Variants in YARS1 observed in about 807,000 individuals in gnomAD.
YARS1 encodes the protein tyrosine--tRNA ligase, cytoplasmic.
Under a neutral mutation model 62.2 loss-of-function variants are expected in YARS1, and 36 were observed. The observed-to-expected ratio is 0.58, with a 90% confidence interval of 0.44 to 0.76. YARS1 has a LOEUF of 0.76. Ranked by LOEUF, YARS1 falls within the 30% of genes least tolerant of loss-of-function variation. YARS1 has a pLI of 0.00. For missense variants in YARS1, 524 were observed against 639.8 expected, an observed-to-expected ratio of 0.82 and a Z score of 1.95; for synonymous variants, 234 against 244.9, an observed-to-expected ratio of 0.96 and a Z score of 0.42.
intron 4 of YARS1, among the ~76,000 whole-genome samples, chr1:32,801,992 G>C (rs556375710): frequency 2.5e-4 from 33 of 134,356 alleles, no homozygotes; most frequent in African/African-American, 8.6e-4. Context: ...CTGTCGCCCA[G>C]GCTGGAGTGC....
At chr1:32,803,136 C>T (rs1171434278) in intron 4 of YARS1, among the ~76,000 whole-genome samples, 2 of 151,958 alleles carry the variant, frequency 1.3e-5, no homozygotes, top group Admixed American at 6.6e-5. Context: ...TTGCGCACCA[C>T]CATGCCCGGC....
chr1:32,796,543 T>G (rs1031596188), intron 5 of YARS1, among the ~76,000 whole-genome samples: 7 of 151,686 alleles, frequency 4.6e-5, no homozygotes, highest in African/African-American at 1.7e-4. Context: ...TTTATTTTAT[T>G]GTGGAGACAG....
chr1:32,812,162 C>T (rs1200367833), intron 1 of YARS1, among the ~76,000 whole-genome samples: 1 of 152,190 alleles, frequency 6.6e-6, no homozygotes, highest in Non-Finnish European at 1.5e-5. Context: ...TTGGGGCTAC[C>T]AGCACATGTA....
At chr1:32,779,130 C>T (rs1375011968) in intron 12 of YARS1, among the ~76,000 whole-genome samples, 4 of 152,126 alleles carry the variant, frequency 2.6e-5, no homozygotes, top group Admixed American at 6.5e-5. Context: ...GACTGAAGAT[C>T]AAATGAAGAA....
chr1:32,798,231 C>T (rs1410407931), intron 4 of YARS1: 1 of 231,820 alleles, frequency 4.3e-6, no homozygotes, highest in Non-Finnish European at 8.6e-6. Flanking sequence ...TAGGAAATTA[C>T]TAGATTTTTC....
At position 32,780,287 on chromosome 1, in the gene YARS1, G is replaced by C. The variant is rs761211081; in HGVS notation, c.1141-9C>G. On this transcript the variant is annotated splice_polypyrimidine_tract_variant and intron_variant, in intron 10 of 12. Coordinates refer to ENST00000373477, the MANE Select transcript of YARS1 (RefSeq NM_003680.4). Reference sequence around the variant, plus strand: ...CTGTCTGCATCTGGGTGCTGCCAGGGAGAGACGTCAGGAGGAAGAGGATCA... The same window carrying C: ...CTGTCTGCATCTGGGTGCTGCCAGGCAGAGACGTCAGGAGGAAGAGGATCA... 20 of 1,613,840 alleles carry C rather than the reference G, an allele frequency of 1.2e-5. No individual in the cohort carries two copies. Among genetic ancestry groups the C allele is most frequent in the East Asian group, 8.9e-5 (4 of 44,888 alleles).
intron 6 of YARS1, among the ~76,000 whole-genome samples, chr1:32,787,336 A>G (rs1653263140): frequency 6.6e-6 from 1 of 151,846 alleles, no homozygotes. Flanking sequence ...CATGTGGCCC[A>G]GGCTGGTCTC....
At chr1:32,798,381 G>GC (rs1208709827) in intron 4 of YARS1, among the ~76,000 whole-genome samples, 1 of 152,242 alleles carries the variant, frequency 6.6e-6, no homozygotes, top group African/African-American at 2.4e-5. Context: ...AGTAGTCTCT[G>GC]CCCTCAGGAT....
chr1:32,793,597 T>C (rs1569737485), intron 5 of YARS1, among the ~76,000 whole-genome samples: 6 of 152,054 alleles, frequency 3.9e-5, no homozygotes, highest in Admixed American at 3.9e-4. Context: ...TGAGCCAAGA[T>C]CAATCACTCC....
rs530320146 is a variant in YARS1, at chr1:32,811,516, C to T, written c.58-459G>A. On this transcript the variant is annotated intron_variant, in intron 1 of 12. Coordinates refer to ENST00000373477, the MANE Select transcript of YARS1 (RefSeq NM_003680.4). ...TCACCTTGTGATGGATTTAAAGCCC[C>T]TGCGCCCGGAACTGTTTGTTTTCCC... 3.1e-5 allele frequency: 7 copies of T among 229,338 alleles called. 1 individual carries two copies. The South Asian group carries it at 3.8e-4, about 12-fold the overall frequency. The allele number at this position is 229,338 out of a possible 1,614,324, so 14.2% of individuals were successfully genotyped here.
chr1:32,781,241 T>C, intron 9 of YARS1, 96 bp from the exon 10 acceptor site: 1 of 1,013,204 alleles, frequency 9.9e-7, no homozygotes, highest in Non-Finnish European at 1.6e-6. Context: ...AGGTAAGATT[T>C]AGTGTAGAAT....
rs752795674 is a variant in YARS1, at chr1:32,776,133, G to A, written c.1477-42C>T. On this transcript the variant is annotated intron_variant, in intron 12 of 12. Transcript: ENST00000373477. The surrounding 1 kb of genome is among the most constrained non-coding windows in gnomAD (Gnocchi z 4.0). ...AGAGAGATTTTAATGATGGTGGTGGGACTGCAAGAAAACCCCCCCTTTTTT... is the reference window on the plus strand; with the variant it reads ...AGAGAGATTTTAATGATGGTGGTGGAACTGCAAGAAAACCCCCCCTTTTTT... The A allele has an allele frequency of 2.6e-6, 4 of 1,538,144 alleles. No homozygotes were observed. Among genetic ancestry groups the A allele is most frequent in the Non-Finnish European group, 3.6e-6 (4 of 1,116,828 alleles).
intron 10 of YARS1, 129 bp downstream of exon 10, chr1:32,780,919 C>T (rs1283900571): frequency 1.2e-6 from 1 of 831,204 alleles, no homozygotes; most frequent in African/African-American, 1.7e-5. Context: ...TGGAATTAGA[C>T]ACCTGCACTC....
chr1:32,779,929 C>G (rs868486673), intron 11 of YARS1, 156 bp downstream of exon 11: 1 of 834,022 alleles, frequency 1.2e-6, no homozygotes, highest in Non-Finnish European at 2.0e-6. Flanking sequence ...AGTACTTGTA[C>G]GATAAGTCCT....
intron 4 of YARS1, among the ~76,000 whole-genome samples, chr1:32,798,565 G>C (rs1653676875): frequency 1.3e-5 from 2 of 152,186 alleles, no homozygotes; most frequent in Admixed American, 6.5e-5. Context: ...GTCTGGGTGC[G>C]ATGGCTCACG....
chr1:32,777,413 C>T (rs1652903200), intron 12 of YARS1, among the ~76,000 whole-genome samples: 1 of 152,060 alleles, frequency 6.6e-6, no homozygotes, highest in South Asian at 2.1e-4. Flanking sequence ...GAGCTTGAGA[C>T]CAGCCTGGCC....
At chr1:32,781,474 T>C in intron 9 of YARS1, 2 of 330,768 alleles carry the variant, frequency 6.0e-6, no homozygotes, top group South Asian at 5.7e-5. Context: ...ATTCTAGCAC[T>C]TTGGGAGGCT....
At chr1:32,779,579 T>G (rs759889240) in intron 11 of YARS1, 56 bp from the exon 12 acceptor site, 385 of 1,613,144 alleles carry the variant, frequency 2.4e-4, no homozygotes, top group Non-Finnish European at 3.1e-4. Context: ...CCAGTGACTG[T>G]GGAGGCCAAA....
At chr1:32,811,291 C>T in intron 1 of YARS1, 1 of 600,318 alleles carries the variant, frequency 1.7e-6, no homozygotes, top group East Asian at 3.1e-5. Context: ...TCACTTGTAG[C>T]CCCTTGCAGC....
Sources: allele counts gnomAD v4.1 joint callset (sites outside exome capture counted in the v4.1 genomes callset), GRCh38; gene constraint gnomAD v4.1.1; non-coding constraint Gnocchi (gnomAD v3.1); transcripts MANE v1.5; gene names NCBI Gene and HGNC (gene_info 2026-07-23, HGNC 2026-07-21).